Variants in CPPED1 observed in about 807,000 individuals in gnomAD.
CPPED1 encodes the protein calcineurin like phosphoesterase domain containing 1, also known as serine/threonine-protein phosphatase CPPED1.
CPPED1 carries 28 observed loss-of-function variants against 28.0 expected under a neutral mutation model. That is an observed-to-expected ratio of 1.00 (90% CI 0.74 to 1.37). The LOEUF (loss-of-function observed/expected upper bound fraction) is 1.37, where lower values mean the gene tolerates loss of function less well. Ranked by LOEUF, CPPED1 falls within the 40% of genes most tolerant of loss-of-function variation. The probability of loss-of-function intolerance (pLI) is 0.00; values close to 1 mark genes in which losing one functional copy is unlikely to be tolerated. For synonymous variants in CPPED1, 198 were observed against 180.2 expected (o/e 1.10, Z -0.79); for missense variants, 504 against 416.5 (o/e 1.21, Z -1.83).
At chr16:12,750,282 T>C (rs931725800) in intron 2 of CPPED1, among the ~76,000 whole-genome samples, 3 of 152,190 alleles carry the variant, frequency 2.0e-5, no homozygotes, top group African/African-American at 7.2e-5. Context: ...GCTTTCAGCC[T>C]CTCTCAGTTT....
At chr16:12,669,316 G>A (rs1394802101) in intron 3 of CPPED1, among the ~76,000 whole-genome samples, 3 of 152,170 alleles carry the variant, frequency 2.0e-5, no homozygotes, top group Admixed American at 6.5e-5. Flanking sequence ...GTTGCTAGGG[G>A]CTGAGGGAAG....
At chr16:12,800,160 A>T (rs1021661258) in intron 1 of CPPED1, among the ~76,000 whole-genome samples, 1 of 151,998 alleles carries the variant, frequency 6.6e-6, no homozygotes, top group South Asian at 2.1e-4. Context: ...AAAGTAAACA[A>T]TGGGGGCCAA....
chr16:12,728,911 C>T (rs148896212), intron 2 of CPPED1, among the ~76,000 whole-genome samples: 4 of 152,250 alleles, frequency 2.6e-5, no homozygotes, highest in South Asian at 4.1e-4. Flanking sequence ...AGAGGACAAA[C>T]GGTGAGCTCA....
At chr16:12,768,324 T>C (rs960217597) in intron 2 of CPPED1, among the ~76,000 whole-genome samples, 13 of 152,256 alleles carry the variant, frequency 8.5e-5, no homozygotes, top group African/African-American at 3.1e-4. Context: ...TTTCACTTTT[T>C]GATCTAAACA....
intron 3 of CPPED1, among the ~76,000 whole-genome samples, chr16:12,699,275 T>C (rs2080007698): frequency 6.6e-6 from 1 of 152,236 alleles, no homozygotes; most frequent in South Asian, 2.1e-4. Context: ...CTGGTATATC[T>C]GTCCTGACCT....
chr16:12,713,135 T>C (rs2080088487), intron 2 of CPPED1, among the ~76,000 whole-genome samples: 1 of 152,160 alleles, frequency 6.6e-6, no homozygotes, highest in South Asian at 2.1e-4. Context: ...GTAAATTCAA[T>C]TTAAAAAAAT....
At position 12,664,916 on chromosome 16, in the gene CPPED1, G is replaced by A. The variant is rs1308071330; in HGVS notation, c.915C>T (p.Asp305=). The A allele has an allele frequency of 4.4e-6, 7 of 1,605,770 alleles. No homozygotes were observed. The highest frequency in any genetic ancestry group is 4.5e-5 in the East Asian group (2 of 44,468). The change falls in exon 4 of 4, where the codon GAC becomes GAT. Residue 305 remains aspartate (D), a synonymous_variant. Transcript: ENST00000381774. The surrounding 1 kb of genome is among the most constrained non-coding windows in gnomAD (Gnocchi z 4.2). ...TTTTCTTGATCAAATCCATGAGATC[G>A]TCTTCTATTCCTTTCTCACTCAGCT... ...LDELSEKGIE[D]DLMDLIKKK is the part of the protein sequence containing the mutation.
chr16:12,740,535 C>A (rs1046175121), intron 2 of CPPED1, among the ~76,000 whole-genome samples: 16 of 152,084 alleles, frequency 1.1e-4, no homozygotes, highest in African/African-American at 3.9e-4. Context: ...CTGGTCCTTG[C>A]ACTCATGGAG....
At chr16:12,766,949 C>CA (rs2080443270) in intron 2 of CPPED1, among the ~76,000 whole-genome samples, 3 of 152,020 alleles carry the variant, frequency 2.0e-5, no homozygotes, top group Non-Finnish European at 2.9e-5. Context: ...GAGCAGAACA[C>CA]AAGAGCATTC....
At chr16:12,801,400 A>C (rs569166633) in intron 1 of CPPED1, among the ~76,000 whole-genome samples, 1 of 152,074 alleles carries the variant, frequency 6.6e-6, no homozygotes, top group African/African-American at 2.4e-5. Flanking sequence ...GCCCTCAACA[A>C]ATATATAGGC....
chr16:12,664,870 G>A lies in CPPED1; in HGVS notation c.*16C>T. The A allele has an allele frequency of 6.2e-7, 1 of 1,608,466 alleles. No individual in the cohort carries two copies. The highest frequency in any genetic ancestry group is 1.7e-5 in the Admixed American group (1 of 58,426). ...AAATAGTGCAAGTGAAAAGTGAACG[G>A]GAACGGGAAGGAGCGTCATTTTTTC... On this transcript the variant is annotated 3_prime_UTR_variant, in exon 4 of 4. Coordinates refer to ENST00000381774, the MANE Select transcript of CPPED1 (RefSeq NM_018340.3). This position sits in a 1 kb window ranked among gnomAD's most constrained non-coding sequence, Gnocchi z 4.2.
At chr16:12,782,540 G>C (rs2080538112) in intron 1 of CPPED1, among the ~76,000 whole-genome samples, 1 of 131,262 alleles carries the variant, frequency 7.6e-6, no homozygotes, top group Non-Finnish European at 1.6e-5. Context: ...CCATCACCTT[G>C]AGGCTGTTTT....
intron 2 of CPPED1, among the ~76,000 whole-genome samples, chr16:12,746,134 G>A (rs2080285947): frequency 6.6e-6 from 1 of 152,136 alleles, no homozygotes; most frequent in African/African-American, 2.4e-5. Context: ...CAACACTTTG[G>A]GAGACTGAGG....
At chr16:12,712,264 C>T (rs941329648) in intron 2 of CPPED1, among the ~76,000 whole-genome samples, 8 of 152,258 alleles carry the variant, frequency 5.3e-5, no homozygotes, top group Non-Finnish European at 1.0e-4. Context: ...GATGGGGCTC[C>T]GTCCCTACCT....
At chr16:12,731,436 T>A (rs964909709) in intron 2 of CPPED1, among the ~76,000 whole-genome samples, 2 of 151,374 alleles carry the variant, frequency 1.3e-5, no homozygotes, top group Admixed American at 6.6e-5. Context: ...TGCTGGGGCA[T>A]GGGTCCCCCG....
At chr16:12,702,276 C>T (rs1245899299) in intron 3 of CPPED1, among the ~76,000 whole-genome samples, 2 of 151,734 alleles carry the variant, frequency 1.3e-5, no homozygotes, top group African/African-American at 2.4e-5. Context: ...GAGCTCACAC[C>T]TGTAATTTAA....
rs1399217012 is a variant in CPPED1 at position 12,709,688 on chromosome 16, G to C, written c.290-4639C>G. On this transcript the variant is annotated intron_variant, in intron 2 of 3. Transcript: ENST00000381774. This position sits in a 1 kb window ranked among gnomAD's most constrained non-coding sequence, Gnocchi z 4.4. ...AAAATCTCTTTGTGAGTTAGGAAGA[G>C]AAATAAACATCCTTAACTGGATAAA... Among the ~76,000 whole-genome samples the C allele has an allele frequency of 9.9e-5, 15 of 152,110 alleles. No homozygotes were observed. The East Asian group carries it at 1.9e-3, about 20-fold the overall frequency.
At chr16:12,781,104 C>A in intron 2 of CPPED1, 81 bp downstream of exon 2, 2 of 1,332,626 alleles carry the variant, frequency 1.5e-6, no homozygotes, top group Non-Finnish European at 2.1e-6. Context: ...GCCTTCGAAG[C>A]AAAATCTTTT....
chr16:12,696,615 G>A (rs539944399), intron 3 of CPPED1, among the ~76,000 whole-genome samples: 1 of 151,766 alleles, frequency 6.6e-6, no homozygotes, highest in African/African-American at 2.4e-5. Flanking sequence ...CTAATTTTTT[G>A]TATTTTTAGT....
Sources: gnomAD v4.1 joint callset for allele counts (sites outside exome capture counted in the v4.1 genomes callset) on GRCh38, gnomAD v4.1.1 for gene constraint, Gnocchi (gnomAD v3.1) non-coding constraint, MANE v1.5 for transcripts, NCBI Gene and HGNC (gene_info 2026-07-23, HGNC 2026-07-21) for gene names.